The following NT5DC1 variants were observed in gnomAD, a reference collection of about 807,000 sequenced individuals.
NT5DC1 encodes the protein 5'-nucleotidase domain-containing protein 1.
In NT5DC1, 42 loss-of-function variants were observed where a neutral mutation model predicts 59.4. The ratio of observed to expected loss-of-function variants is 0.71; its 90% confidence interval spans 0.55 to 0.92. The LOEUF is 0.92. Among genes scored for constraint, NT5DC1 ranks in the 40% least tolerant of loss-of-function variants. The pLI is 0.00. For missense variants in NT5DC1, 501 were observed against 537.1 expected, an observed-to-expected ratio of 0.93 and a Z score of 0.66; for synonymous variants, 172 against 188.1, an observed-to-expected ratio of 0.91 and a Z score of 0.70.
chr6:116,135,863 A>ATGTGTATATATATATATATATGTATG (rs1562132679), intron 6 of NT5DC1, among the ~76,000 whole-genome samples: 7 of 124,908 alleles, frequency 5.6e-5, no homozygotes, highest in African/African-American at 1.9e-4. Flanking sequence ...ATATATATAT[A>ATGTGTATATATATATATATATGTATG]TATATATATA....
intron 6 of NT5DC1, among the ~76,000 whole-genome samples, chr6:116,154,491 T>A (rs1780131296): frequency 6.6e-6 from 1 of 152,202 alleles, no homozygotes; most frequent in Non-Finnish European, 1.5e-5. Flanking sequence ...TCTGTGATTT[T>A]TATGTTAACC....
intron 8 of NT5DC1, among the ~76,000 whole-genome samples, chr6:116,226,152 C>T (rs1781904847): frequency 6.6e-6 from 1 of 152,080 alleles, no homozygotes; most frequent in Admixed American, 6.5e-5. Flanking sequence ...ATCAAGAATT[C>T]TAATAATATT....
chr6:116,165,782 G>C (rs1474509084), intron 6 of NT5DC1, among the ~76,000 whole-genome samples: 1 of 152,224 alleles, frequency 6.6e-6, no homozygotes, highest in Non-Finnish European at 1.5e-5. Context: ...AAATCCCACA[G>C]CTCCCCAGGG....
intron 6 of NT5DC1, among the ~76,000 whole-genome samples, chr6:116,162,490 T>C (rs940836694): frequency 2.0e-5 from 3 of 152,246 alleles, no homozygotes; most frequent in African/African-American, 7.2e-5. Context: ...CATGAAGAGA[T>C]GTTGGATTTT....
intron 1 of NT5DC1, 34 bp from the exon 2 acceptor site, chr6:116,106,210 A>G (rs370439386): frequency 1.0e-6 from 1 of 1,000,794 alleles, no homozygotes; most frequent in Admixed American, 1.7e-5. Context: ...AGTGGGTGTT[A>G]TATTTAATCT....
At chr6:116,170,946 A>T (rs1005405788) in intron 6 of NT5DC1, among the ~76,000 whole-genome samples, 2 of 152,036 alleles carry the variant, frequency 1.3e-5, no homozygotes, top group East Asian at 3.9e-4. Flanking sequence ...GTCAAACCTC[A>T]TTCTGTATTT....
chr6:116,232,901 G>T (rs1782046399), intron 8 of NT5DC1, among the ~76,000 whole-genome samples: 4 of 152,084 alleles, frequency 2.6e-5, no homozygotes, highest in Admixed American at 2.0e-4. Flanking sequence ...TTATTTATTT[G>T]CCTAAATTGA....
At chr6:116,221,322 C>A in intron 7 of NT5DC1, 94 bp downstream of exon 7, 1 of 747,404 alleles carries the variant, frequency 1.3e-6, no homozygotes, top group Non-Finnish European at 2.2e-6. Context: ...ATGACCATAT[C>A]ATTATTTTAA....
intron 6 of NT5DC1, among the ~76,000 whole-genome samples, chr6:116,198,021 T>G (rs1328635445): frequency 6.6e-6 from 1 of 152,046 alleles, no homozygotes; most frequent in Non-Finnish European, 1.5e-5. Flanking sequence ...TCAGAAAATG[T>G]CCTTCATCAG....
At chr6:116,155,927 G>A (rs529284005) in intron 6 of NT5DC1, among the ~76,000 whole-genome samples, 1 of 152,128 alleles carries the variant, frequency 6.6e-6, no homozygotes, top group South Asian at 2.1e-4. Flanking sequence ...GAATTTACAA[G>A]AGACAAATGT....
chr6:116,155,677 G>A (rs1324292961), intron 6 of NT5DC1, among the ~76,000 whole-genome samples: 2 of 150,042 alleles, frequency 1.3e-5, no homozygotes, highest in Admixed American at 6.7e-5. Context: ...TTAGAAGCAA[G>A]GCTGGTATCC....
At chr6:116,126,412 C>T (rs763126038) in intron 6 of NT5DC1, among the ~76,000 whole-genome samples, 3 of 151,910 alleles carry the variant, frequency 2.0e-5, no homozygotes, top group South Asian at 2.1e-4. Context: ...GGCTGGTTCA[C>T]GGTGGAATGA....
chr6:116,111,972 G>A (rs1477949922), intron 4 of NT5DC1, among the ~76,000 whole-genome samples: 2 of 152,160 alleles, frequency 1.3e-5, no homozygotes, highest in Non-Finnish European at 2.9e-5. Flanking sequence ...CTTTCTCCTG[G>A]AAAAGCCAGG....
intron 5 of NT5DC1, 49 bp from the exon 6 acceptor site, chr6:116,117,812 C>T (rs1778997064): frequency 1.8e-6 from 2 of 1,093,886 alleles, no homozygotes; most frequent in South Asian, 2.6e-5. Flanking sequence ...TTTCACTATG[C>T]TTAAAAACTG....
At chr6:116,238,787 A>G (rs555641794) in intron 10 of NT5DC1, among the ~76,000 whole-genome samples, 168 bp from the exon 11 acceptor site, 1 of 152,322 alleles carries the variant, frequency 6.6e-6, no homozygotes, top group South Asian at 2.1e-4. Context: ...AGGATACTTC[A>G]TAATAAGGAG....
chr6:116,200,709 TTTAA>T (rs1036934661), intron 6 of NT5DC1, among the ~76,000 whole-genome samples: 34 of 152,156 alleles, frequency 2.2e-4, no homozygotes, highest in African/African-American at 7.5e-4. Flanking sequence ...CTGGGTGATA[TTTAA>T]TGTCCTTATG....
chr6:116,192,731 A>G (rs771732794), intron 6 of NT5DC1, among the ~76,000 whole-genome samples: 21 of 152,038 alleles, frequency 1.4e-4, no homozygotes, highest in Non-Finnish European at 2.5e-4. Flanking sequence ...ACCAGAATCT[A>G]TCTGGTCTGA....
intron 6 of NT5DC1, among the ~76,000 whole-genome samples, chr6:116,200,455 A>G (rs564623248): frequency 9.2e-5 from 14 of 152,178 alleles, no homozygotes; most frequent in African/African-American, 3.4e-4. Context: ...GTACCATAAT[A>G]TTGAAAGATA....
At chr6:116,117,806 A>G (rs889700701) in intron 5 of NT5DC1, 55 bp from the exon 6 acceptor site, 8 of 992,768 alleles carry the variant, frequency 8.1e-6, no homozygotes, top group Non-Finnish European at 7.9e-6. Flanking sequence ...AGCATTTTTC[A>G]CTATGCTTAA....
Sources: allele counts gnomAD v4.1 joint callset (sites outside exome capture counted in the v4.1 genomes callset), GRCh38; gene constraint gnomAD v4.1.1; transcripts MANE v1.5; gene names NCBI Gene and HGNC (gene_info 2026-07-23, HGNC 2026-07-21).